ME3: variants seen among roughly 807,000 people sequenced by gnomAD.
ME3 encodes NADP-dependent malic enzyme, mitochondrial.
In ME3, 48 loss-of-function variants were observed where a neutral mutation model predicts 68.9. The ratio of observed to expected loss-of-function variants is 0.70; its 90% CI spans 0.55 to 0.89. The LOEUF (loss-of-function observed/expected upper bound fraction) is 0.89. Among genes scored for constraint, ME3 ranks in the 40% least tolerant of loss-of-function variants. The pLI, the probability that ME3 is intolerant of heterozygous loss-of-function variation, is 0.00. For synonymous variants in ME3, 320 were observed against 318.8 expected (o/e 1.00, Z -0.04); for missense variants, 675 against 797.4 (o/e 0.85, Z 1.85).
chr11:86,470,249 G>A (rs1206655103), intron 7 of ME3, among the ~76,000 whole-genome samples: 1 of 152,064 alleles, frequency 6.6e-6, no homozygotes, highest in Non-Finnish European at 1.5e-5. Flanking sequence ...TAAATAGAAT[G>A]ACTAAAAGCT....
At chr11:86,603,257 A>T (rs1303256425) in intron 2 of ME3, among the ~76,000 whole-genome samples, 3 of 127,986 alleles carry the variant, frequency 2.3e-5, no homozygotes, top group African/African-American at 5.5e-5. Flanking sequence ...TACAAGAAAA[A>T]AACAAACAAC....
At position 86,603,837 on chromosome 11, in the gene ME3, T is replaced by A. The variant is rs1177634053; in HGVS notation, c.184-44014A>T. Among the ~76,000 whole-genome samples, 3 of 149,990 alleles carry A rather than the reference T, an allele frequency of 2.0e-5. No homozygotes were observed. In the East Asian group the frequency reaches 6.0e-4, roughly 30 times the overall value. The stretch of plus-strand genomic sequence containing the variant: ...GGAAATCATCATTCTCAGTAAACTA[T>A]CACAAGGACAAAAAACCAAGCACCG... On this transcript the variant is annotated intron_variant, in intron 2 of 14. Coordinates refer to ENST00000543262, the Ensembl canonical transcript of ME3.
At chr11:86,583,902 T>C (rs1294287364) in intron 2 of ME3, among the ~76,000 whole-genome samples, 1 of 152,172 alleles carries the variant, frequency 6.6e-6, no homozygotes, top group Non-Finnish European at 1.5e-5. Context: ...GACATTGGAC[T>C]TGGCAATGAT....
intron 2 of ME3, among the ~76,000 whole-genome samples, chr11:86,653,366 G>A (rs560729372): frequency 6.6e-6 from 1 of 152,290 alleles, no homozygotes; most frequent in African/African-American, 2.4e-5. Context: ...CTCAGCAAAT[G>A]TAAAAGACAA....
chr11:86,487,628 G>A (rs1951773201), intron 6 of ME3, among the ~76,000 whole-genome samples, 188 bp from the exon 7 acceptor site: 2 of 152,136 alleles, frequency 1.3e-5, no homozygotes, highest in African/African-American at 4.8e-5. Context: ...CAGTGATTGA[G>A]GTTGGACTCT....
At chr11:86,590,760 GC>G (rs1224865073) in intron 2 of ME3, among the ~76,000 whole-genome samples, 1 of 152,172 alleles carries the variant, frequency 6.6e-6, no homozygotes. Context: ...TTAAAGCATG[GC>G]CTCCTGTGCC....
intron 1 of ME3, 156 bp downstream of exon 1, chr11:86,672,168 G>T: frequency 2.2e-6 from 1 of 449,386 alleles, no homozygotes; most frequent in Non-Finnish European, 3.8e-6. Flanking sequence ...GCCAGGCAAA[G>T]CGAAACCAAG....
intron 2 of ME3, among the ~76,000 whole-genome samples, chr11:86,571,224 CA>C (rs1957771470): frequency 2.6e-5 from 4 of 152,164 alleles, no homozygotes. Context: ...GTAATTGATA[CA>C]GGATAAGTAT....
chr11:86,559,603 G>C, intron 3 of ME3, 87 bp downstream of exon 3: 2 of 1,449,308 alleles, frequency 1.4e-6, no homozygotes, highest in African/African-American at 1.4e-5. Context: ...TTTAGCTGGA[G>C]AGTTTCCAGA....
At chr11:86,465,967 A>T (rs1950458107) in intron 7 of ME3, among the ~76,000 whole-genome samples, 1 of 152,214 alleles carries the variant, frequency 6.6e-6, no homozygotes, top group Non-Finnish European at 1.5e-5. Flanking sequence ...GAACCCTGAG[A>T]AACAATGCCT....
At chr11:86,532,076 T>C (rs1955289475) in intron 4 of ME3, among the ~76,000 whole-genome samples, 1 of 151,768 alleles carries the variant, frequency 6.6e-6, no homozygotes, top group African/African-American at 2.4e-5. Flanking sequence ...GGGTTAGTTA[T>C]ATCAGACAGA....
intron 6 of ME3, among the ~76,000 whole-genome samples, chr11:86,493,407 TC>T (rs1952115650): frequency 6.6e-6 from 1 of 152,096 alleles, no homozygotes; most frequent in African/African-American, 2.4e-5. Flanking sequence ...CCAAGCTCCA[TC>T]CCCCGGGATT....
rs115084576 is a variant in ME3, at chr11:86,633,858, C to T, written c.183+37904G>A. ...ATCTAGAGGGGAAACCTGGGCTCAA[C>T]GCAGTTAAATGACAGGCCCACCATC... On this transcript the variant is annotated intron_variant, in intron 2 of 14. Transcript: ENST00000543262. Among the ~76,000 whole-genome samples, 701 of 152,200 alleles carry T rather than the reference C, an allele frequency of 4.6e-3. 7 individuals are homozygous for T. Among genetic ancestry groups the T allele is most frequent in the African/African-American group, 0.016 (659 of 41,522 alleles).
chr11:86,517,281 C>A (rs552823452), intron 4 of ME3, among the ~76,000 whole-genome samples: 2 of 152,070 alleles, frequency 1.3e-5, no homozygotes, highest in African/African-American at 4.8e-5. Flanking sequence ...TTCTCTTTTT[C>A]TTTTTGCCAC....
chr11:86,623,875 G>A (rs1328283048), intron 2 of ME3, among the ~76,000 whole-genome samples: 1 of 152,102 alleles, frequency 6.6e-6, no homozygotes, highest in Non-Finnish European at 1.5e-5. Context: ...TAGAGTAGAT[G>A]TCTTCTGAAA....
chr11:86,538,523 A>G (rs886963897), intron 4 of ME3, among the ~76,000 whole-genome samples: 1 of 152,130 alleles, frequency 6.6e-6, no homozygotes, highest in African/African-American at 2.4e-5. Context: ...GTCCACCACA[A>G]CACAGTTCAC....
chr11:86,479,772 TGGAA>T (rs1330909365), intron 7 of ME3, among the ~76,000 whole-genome samples: 2 of 152,134 alleles, frequency 1.3e-5, no homozygotes, highest in African/African-American at 4.8e-5. Flanking sequence ...AATGTCTTCT[TGGAA>T]GGACTGTAAG....
chr11:86,570,184 C>T (rs1033200885), intron 2 of ME3, among the ~76,000 whole-genome samples: 1 of 152,138 alleles, frequency 6.6e-6, no homozygotes, highest in East Asian at 1.9e-4. Flanking sequence ...TATTTTGTTC[C>T]ATACATCATT....
chr11:86,510,959 T>A (rs1325678974), intron 4 of ME3, among the ~76,000 whole-genome samples: 1 of 152,190 alleles, frequency 6.6e-6, no homozygotes. Context: ...AGTGAATATT[T>A]CCCCGACATA....
Sources: gnomAD v4.1 joint callset for allele counts (sites outside exome capture counted in the v4.1 genomes callset) on GRCh38, gnomAD v4.1.1 for gene constraint, MANE v1.5 for transcripts, NCBI Gene and HGNC (gene_info 2026-07-23, HGNC 2026-07-21) for gene names.